ARHGEF10: variants seen among roughly 807,000 people sequenced by gnomAD.
The protein encoded by ARHGEF10 is Rho guanine nucleotide exchange factor (GEF) 10.
ARHGEF10 carries 140 observed loss-of-function variants against 147.4 expected under a neutral mutation model. That is an observed-to-expected ratio of 0.95 (90% CI 0.83 to 1.09). ARHGEF10 has a LOEUF of 1.09. Among genes scored for constraint, ARHGEF10 ranks in the 50% least tolerant of loss-of-function variants. ARHGEF10 has a pLI of 0.00. For missense variants in ARHGEF10, 2,222 were observed against 1,752.7 expected (o/e 1.27, Z -4.78); for synonymous variants, 902 against 695.8 (o/e 1.30, Z -4.67).
chr8:1,834,068 G>A (rs1164177263), intron 1 of ARHGEF10, among the ~76,000 whole-genome samples: 3 of 152,192 alleles, frequency 2.0e-5, no homozygotes, highest in Admixed American at 2.0e-4. Context: ...CCTGGGGCAC[G>A]CAGCTGTCTG....
At chr8:1,836,404 C>A (rs1280850044) in intron 1 of ARHGEF10, among the ~76,000 whole-genome samples, 2 of 152,060 alleles carry the variant, frequency 1.3e-5, no homozygotes, top group Non-Finnish European at 2.9e-5. Context: ...GAGAGTGAGC[C>A]CCAGCCCAGC....
intron 1 of ARHGEF10, among the ~76,000 whole-genome samples, chr8:1,837,181 G>A (rs1340888046): frequency 6.6e-6 from 1 of 152,262 alleles, no homozygotes. Context: ...GGATGCCGGT[G>A]GTAGGGCAAG....
Position 1,905,649 on chromosome 8 carries a change from G to A in ARHGEF10, c.1900G>A (p.Val634Ile). 2.5e-6 allele frequency: 4 copies of A among 1,614,206 alleles called. No individual in the cohort carries two copies. The highest frequency in any genetic ancestry group is 3.4e-6 in the Non-Finnish European group (4 of 1,180,034). ...ETVYNDRGEIVKTKERRVFML... is the reference protein window; with the variant it reads ...ETVYNDRGEIIKTKERRVFML... ...AGTTTACAACGACAGAGGAGAGATT[G>A]TTAAAACCAAAGAACGCCGAGTCTT... Residue 634 changes from valine to isoleucine, a missense_variant, in exon 17 of 29, where the codon GTT becomes ATT. Transcript: ENST00000349830.
intron 4 of ARHGEF10, among the ~76,000 whole-genome samples, chr8:1,860,819 C>A (rs1195648921): frequency 2.0e-5 from 3 of 152,046 alleles, no homozygotes; most frequent in Non-Finnish European, 1.5e-5. Context: ...ACCTGCTTGT[C>A]TATAGACTCA....
intron 1 of ARHGEF10, among the ~76,000 whole-genome samples, chr8:1,836,916 C>G (rs1369145959): frequency 1.3e-5 from 2 of 152,300 alleles, no homozygotes; most frequent in Non-Finnish European, 2.9e-5. Context: ...TCCTCATTTT[C>G]TCTTGCCGCC....
At chr8:1,882,782 C>T in intron 10 of ARHGEF10, 33 bp downstream of exon 10, 3 of 1,363,848 alleles carry the variant, frequency 2.2e-6, no homozygotes, top group Non-Finnish European at 2.9e-6. Flanking sequence ...GCGGGGAGGA[C>T]ACGGGGTTGG....
At position 1,830,603 on chromosome 8, in the gene ARHGEF10, G is replaced by T. The variant is rs762336710; in HGVS notation, c.-48+6490G>T. Among the ~76,000 whole-genome samples, 17 of 152,302 alleles carry T rather than the reference G, an allele frequency of 1.1e-4. No individual in the cohort carries two copies. In the East Asian group the frequency reaches 3.1e-3, roughly 28 times the overall value. On this transcript the variant is annotated intron_variant, in intron 1 of 28. Transcript: ENST00000349830. ...ACAGGTGTTTCATGAATACCGCTGCGTGCTAAGTACTAAGTGCTCTCACGC... is the reference window on the plus strand; with the variant it reads ...ACAGGTGTTTCATGAATACCGCTGCTTGCTAAGTACTAAGTGCTCTCACGC...
At chr8:1,953,131 T>C (rs1815190624) in intron 28 of ARHGEF10, among the ~76,000 whole-genome samples, 1 of 152,266 alleles carries the variant, frequency 6.6e-6, no homozygotes, top group African/African-American at 2.4e-5. Context: ...GGGATCTCCG[T>C]TGTTCCTTTG....
At chr8:1,919,315 T>A (rs1812025330) in intron 18 of ARHGEF10, among the ~76,000 whole-genome samples, 1 of 149,432 alleles carries the variant, frequency 6.7e-6, no homozygotes, top group South Asian at 2.1e-4. Context: ...ATGGAGCTGT[T>A]CTGTCAGTGA....
Position 1,841,802 on chromosome 8 carries a change from AGGAACTGGGGCCGCGGCG to A in ARHGEF10, c.-47-1535_-47-1518del, listed in dbSNP as rs1425717730. On this transcript the variant is annotated intron_variant, in intron 1 of 28. Transcript: ENST00000349830. ...ATGTTGGTGAAATGACCTGAAACCT[AGGAACTGGGGCCGCGGCG>A]GGAACTGGGGCCGCGACGGGAACTG... Among the ~76,000 whole-genome samples, 244 of 136,906 alleles carry A rather than the reference AGGAACTGGGGCCGCGGCG, an allele frequency of 1.8e-3. 4 individuals carry two copies. The highest frequency in any genetic ancestry group is 6.8e-3 in the East Asian group (31 of 4,586). 89.8% of individuals were successfully genotyped at this position (136,906 alleles called of 152,430 possible). A position where few individuals can be genotyped will look rare whatever the true frequency, so the allele number is the denominator to read the frequency against.
chr8:1,832,945 G>C (rs1272901286), intron 1 of ARHGEF10, among the ~76,000 whole-genome samples: 1 of 95,692 alleles, frequency 1.0e-5, no homozygotes, highest in Admixed American at 1.1e-4. Flanking sequence ...GACAGAAGCA[G>C]AGACAGAGGC....
chr8:1,847,479 C>T (rs937496764), intron 2 of ARHGEF10, among the ~76,000 whole-genome samples: 1 of 152,164 alleles, frequency 6.6e-6, no homozygotes, highest in Non-Finnish European at 1.5e-5. Context: ...GTACAATTGG[C>T]ATGTTAATGT....
rs184086364 is a variant in ARHGEF10 at position 1,845,526 on chromosome 8, C to G, written c.37+2090C>G. 1.6e-4 allele frequency among the ~76,000 whole-genome samples: 25 copies of G among 152,346 alleles called. 1 individual carries two copies. In the East Asian group the frequency reaches 4.4e-3, roughly 27 times the overall value. On this transcript the variant is annotated intron_variant, in intron 2 of 28. Coordinates refer to ENST00000349830, the MANE Select transcript of ARHGEF10 (RefSeq NM_014629.4). ...AATGAAAGAAAGGCCAGGAAGCTGT[C>G]TCTGCAGGTAAGCGTGGAGGACGTA...
At position 1,957,201 on chromosome 8, in the gene ARHGEF10, C is replaced by T. The variant is rs35095003; in HGVS notation, c.3973C>T (p.Pro1325Ser). ...CCGGGTGCACAGGAAGGCCCGGCAG[C>T]CCCACCAGGAAGAGCTGGCGCCGAC... ...HRRVHRKARQPHQEELAPTVM... is the reference protein window; with the variant it reads ...HRRVHRKARQSHQEELAPTVM... The change falls in exon 29 of 29, where the codon CCC becomes TCC. Residue 1325 changes from proline to serine, a missense_variant. Physicochemically the swap from Pro to Ser is moderately conservative, Grantham distance 74. Transcript: ENST00000349830. The T allele has an allele frequency of 1.4e-3, 2,215 of 1,612,258 alleles. 22 individuals are homozygous for T. The African/African-American group carries it at 0.025, about 18-fold the overall frequency.
intron 2 of ARHGEF10, among the ~76,000 whole-genome samples, chr8:1,846,783 G>A (rs1383874851): frequency 6.6e-6 from 1 of 152,120 alleles, no homozygotes; most frequent in Non-Finnish European, 1.5e-5. Flanking sequence ...CACCGTGTTG[G>A]CCAGGCTGGT....
chr8:1,924,902 G>C (rs1040254613), intron 21 of ARHGEF10, among the ~76,000 whole-genome samples: 1 of 152,158 alleles, frequency 6.6e-6, no homozygotes, highest in African/African-American at 2.4e-5. Context: ...ATGTTTTAAA[G>C]TTTCTCAGTA....
At chr8:1,866,684 C>T (rs1252564741) in intron 6 of ARHGEF10, 82 bp downstream of exon 6, 3 of 1,212,166 alleles carry the variant, frequency 2.5e-6, no homozygotes, top group Non-Finnish European at 2.4e-6. Context: ...CCCTGAGTCT[C>T]AGGTCCCATC....
intron 26 of ARHGEF10, among the ~76,000 whole-genome samples, chr8:1,939,221 G>T (rs1313049973): frequency 6.6e-6 from 1 of 152,248 alleles, no homozygotes; most frequent in Non-Finnish European, 1.5e-5. Flanking sequence ...GTGGCCCAGT[G>T]TTCTTATTTT....
rs950488577 is a variant in ARHGEF10, at chr8:1,925,414, G to C, written c.2610+10G>C. 1 of 1,613,846 alleles carries C rather than the reference G, an allele frequency of 6.2e-7. No homozygotes were observed. The highest frequency in any genetic ancestry group is 8.5e-7 in the Non-Finnish European group (1 of 1,179,960). ...GCAGCAGGAGTTCAAGGTGAAGGGAGGCAGGGCCCGCGGCCCGGGGTGGGA... is the reference window on the plus strand; with the variant it reads ...GCAGCAGGAGTTCAAGGTGAAGGGACGCAGGGCCCGCGGCCCGGGGTGGGA... On this transcript the variant is annotated intron_variant, in intron 22 of 28. Transcript: ENST00000349830.
Sources: gnomAD v4.1 joint callset for allele counts (sites outside exome capture counted in the v4.1 genomes callset) on GRCh38, gnomAD v4.1.1 for gene constraint, MANE v1.5 for transcripts, NCBI Gene and HGNC (gene_info 2026-07-23, HGNC 2026-07-21) for gene names.